The following CFAP54 variants were observed in gnomAD, a reference collection of about 807,000 sequenced individuals.
The protein encoded by CFAP54 is cilia and flagella associated protein 54.
A neutral mutation model predicts 370.4 loss-of-function variants in CFAP54; 290 were observed. The observed-to-expected ratio is 0.78, with a 90% CI of 0.71 to 0.86. The LOEUF (loss-of-function observed/expected upper bound fraction) is 0.86, where lower values mean the gene tolerates loss of function less well. Among genes scored for constraint, CFAP54 ranks in the 40% least tolerant of loss-of-function variants. The probability of loss-of-function intolerance (pLI) is 0.00; values close to 1 mark genes in which losing one functional copy is unlikely to be tolerated. For missense variants in CFAP54, 3,399 were observed against 3,528.7 expected (o/e 0.96, Z 0.93); for synonymous variants, 1,206 against 1,236.5 (o/e 0.98, Z 0.52).
At chr12:96,754,009 A>C (rs1352983261) in intron 56 of CFAP54, 111 bp downstream of exon 56, 1 of 1,103,864 alleles carries the variant, frequency 9.1e-7, no homozygotes, top group Non-Finnish European at 1.3e-6. Context: ...ACAAACATAC[A>C]AAGGGCTTAG....
At chr12:96,862,631 C>A (rs1959906221) in intron 67 of CFAP54, among the ~76,000 whole-genome samples, 2 of 152,090 alleles carry the variant, frequency 1.3e-5, no homozygotes, top group South Asian at 4.1e-4. Flanking sequence ...AGGAAACCAT[C>A]TTTTAATGAA....
At chr12:96,873,163 C>G (rs1217032007) in intron 67 of CFAP54, among the ~76,000 whole-genome samples, 2 of 152,090 alleles carry the variant, frequency 1.3e-5, no homozygotes, top group Non-Finnish European at 2.9e-5. Context: ...CATGGTATTT[C>G]TGGAACAAGG....
chr12:96,502,632 G>C (rs77407708), intron 2 of CFAP54, among the ~76,000 whole-genome samples: 1 of 152,092 alleles, frequency 6.6e-6, no homozygotes, highest in Non-Finnish European at 1.5e-5. Flanking sequence ...GACTGAAGAT[G>C]CCTCCCAAGG....
At chr12:96,689,003 G>GT (rs775396471) in intron 43 of CFAP54, 21 bp downstream of exon 43, 1 of 1,450,852 alleles carries the variant, frequency 6.9e-7, no homozygotes, top group East Asian at 2.5e-5. Context: ...ATGTATGTAT[G>GT]TTTTTCCATT....
At chr12:96,516,207 G>A (rs1045599664) in intron 5 of CFAP54, among the ~76,000 whole-genome samples, 3 of 152,042 alleles carry the variant, frequency 2.0e-5, no homozygotes, top group Admixed American at 6.6e-5. Context: ...GAGCCACTGC[G>A]TCCGGCCATT....
At chr12:96,511,269 T>C (rs1955163740) in intron 4 of CFAP54, among the ~76,000 whole-genome samples, 1 of 152,212 alleles carries the variant, frequency 6.6e-6, no homozygotes, top group Non-Finnish European at 1.5e-5. Flanking sequence ...AGTTGTGTTC[T>C]AATCAAGTAA....
chr12:96,855,918 C>T (rs1344508386), intron 66 of CFAP54, among the ~76,000 whole-genome samples: 4 of 152,204 alleles, frequency 2.6e-5, no homozygotes, highest in South Asian at 2.1e-4. Context: ...AGAGGTTCTC[C>T]GTGAGGGCCC....
chr12:96,857,489 A>G (rs1032554823), intron 66 of CFAP54, among the ~76,000 whole-genome samples: 3 of 152,178 alleles, frequency 2.0e-5, no homozygotes, highest in Non-Finnish European at 4.4e-5. Context: ...TTATGGCTGC[A>G]TAGTATTCCA....
chr12:96,522,242 A>G (rs1013392640), intron 8 of CFAP54, 53 bp downstream of exon 8: 10 of 1,210,222 alleles, frequency 8.3e-6, no homozygotes, highest in Admixed American at 7.0e-5. Context: ...GTATATTTGT[A>G]TTATGCTCCT....
At chr12:96,811,160 G>A (rs191240651) in intron 63 of CFAP54, among the ~76,000 whole-genome samples, 3 of 152,120 alleles carry the variant, frequency 2.0e-5, no homozygotes, top group East Asian at 1.9e-4. Context: ...ACTCTCAAAC[G>A]CTACAAATCC....
chr12:96,507,560 T>TACAC, intron 4 of CFAP54, among the ~76,000 whole-genome samples: 1 of 61,626 alleles, frequency 1.6e-5, no homozygotes, highest in Non-Finnish European at 3.9e-5. Flanking sequence ...CACACACACA[T>TACAC]ACACACACAC....
chr12:96,737,753 G>C (rs947534835), intron 50 of CFAP54, among the ~76,000 whole-genome samples: 7 of 152,096 alleles, frequency 4.6e-5, no homozygotes, highest in African/African-American at 1.7e-4. Flanking sequence ...CTCCCAAAGT[G>C]CTGGGATTAC....
chr12:96,766,298 G>T (rs906739579), intron 60 of CFAP54, among the ~76,000 whole-genome samples: 2 of 151,410 alleles, frequency 1.3e-5, no homozygotes, highest in Non-Finnish European at 1.5e-5. Context: ...TATTTCCTTC[G>T]TGCCTGGGAG....
intron 65 of CFAP54, among the ~76,000 whole-genome samples, chr12:96,826,386 G>T (rs1173664067): frequency 4.4e-5 from 4 of 91,940 alleles, no homozygotes; most frequent in African/African-American, 1.3e-4. Flanking sequence ...TCAATATATT[G>T]TTATATATAT....
chr12:96,666,254 A>C (rs531949712), intron 39 of CFAP54, among the ~76,000 whole-genome samples: 1 of 152,098 alleles, frequency 6.6e-6, no homozygotes, highest in African/African-American at 2.4e-5. Flanking sequence ...TTCTGTTTCA[A>C]GTCCCATAAT....
intron 56 of CFAP54, among the ~76,000 whole-genome samples, chr12:96,754,408 AG>A (rs1948869137): frequency 6.6e-6 from 1 of 152,192 alleles, no homozygotes; most frequent in Non-Finnish European, 1.5e-5. Flanking sequence ...TCTGAGAAAA[AG>A]ATAAGGATGA....
At chr12:96,522,564 G>A (rs1207578441) in intron 8 of CFAP54, among the ~76,000 whole-genome samples, 1 of 152,230 alleles carries the variant, frequency 6.6e-6, no homozygotes, top group Non-Finnish European at 1.5e-5. Context: ...CTGTGGAGAA[G>A]ATGGAGGCAC....
At chr12:96,522,230 C>G in intron 8 of CFAP54, 41 bp downstream of exon 8, 3 of 1,343,888 alleles carry the variant, frequency 2.2e-6, no homozygotes, top group Non-Finnish European at 3.0e-6. Context: ...ACTCTTTTTG[C>G]AGTATATTTG....
At chr12:96,523,001 CCTTGT>C in intron 8 of CFAP54, among the ~76,000 whole-genome samples, 1 of 152,160 alleles carries the variant, frequency 6.6e-6, no homozygotes, top group South Asian at 2.1e-4. Flanking sequence ...TTTTTCTTCC[CCTTGT>C]CTTTTTCTTC....
Sources: gnomAD v4.1 joint callset for allele counts (sites outside exome capture counted in the v4.1 genomes callset) on GRCh38, gnomAD v4.1.1 for gene constraint, MANE v1.5 for transcripts, NCBI Gene and HGNC (gene_info 2026-07-23, HGNC 2026-07-21) for gene names.